MACROD1: variants seen among roughly 807,000 people sequenced by gnomAD.
The protein encoded by MACROD1 is ADP-ribose glycohydrolase MACROD1.
In MACROD1, 31 loss-of-function variants were observed where a neutral mutation model predicts 41.4. That is an observed-to-expected ratio of 0.75 (90% confidence interval 0.56 to 1.01). The LOEUF (loss-of-function observed/expected upper bound fraction) is 1.01, where lower values mean the gene tolerates loss of function less well. MACROD1 is among the 50% of genes least tolerant of loss of function. The pLI, the probability that MACROD1 is intolerant of heterozygous loss-of-function variation, is 0.00. For missense variants in MACROD1, 473 were observed against 460.0 expected (o/e 1.03, Z -0.26); for synonymous variants, 252 against 203.4 (o/e 1.24, Z -2.03).
At chr11:64,069,807 G>A (rs536124449) in intron 3 of MACROD1, among the ~76,000 whole-genome samples, 28 of 152,336 alleles carry the variant, frequency 1.8e-4, no homozygotes, top group Admixed American at 1.6e-3. Context: ...CGCAGCAGAC[G>A]CAACAGGCTT....
chr11:64,136,691 G>C (rs933191680), intron 3 of MACROD1, among the ~76,000 whole-genome samples: 3 of 152,236 alleles, frequency 2.0e-5, no homozygotes, highest in African/African-American at 7.2e-5. Context: ...GAGGGACCCG[G>C]GTGGCTTCCA....
chr11:64,114,907 C>T (rs1483343648), intron 3 of MACROD1, among the ~76,000 whole-genome samples: 2 of 151,950 alleles, frequency 1.3e-5, no homozygotes, highest in Non-Finnish European at 2.9e-5. Flanking sequence ...GTAGCTTGCT[C>T]GATGGAAAGA....
rs564321799 is a variant in MACROD1 at position 63,998,844 on chromosome 11, C to G, written c.*24G>C. The stretch of plus-strand genomic sequence containing the variant: ...GGGGCGAGGCCCTGCTTACCAGTCC[C>G]GGTCAGGGTGGGCTGCGGGAGCCTC... On this transcript the variant is annotated 3_prime_UTR_variant, in exon 10 of 11. Transcript: ENST00000255681. The G allele has an allele frequency of 5.6e-5, 89 of 1,582,010 alleles. No individual in the cohort carries two copies. The East Asian group carries it at 1.4e-3, about 24-fold the overall frequency.
rs536062873 is a variant in MACROD1, at chr11:64,033,871, G to C, written c.518-18590C>G. 3.2e-4 allele frequency among the ~76,000 whole-genome samples: 49 copies of C among 152,024 alleles called. 1 individual carries two copies. Among genetic ancestry groups the C allele is most frequent in the Admixed American group, 3.1e-3 (47 of 15,278 alleles). On this transcript the variant is annotated intron_variant, in intron 3 of 10. Coordinates refer to ENST00000255681, the MANE Select transcript of MACROD1 (RefSeq NM_014067.4). ...AAAAAATTATTATTTTTATTTTTTT[G>C]TATTTTTTTTATCTCAAACTCCTGG... is the stretch of plus-strand genomic sequence containing the variant.
chr11:64,165,735 A>C lies in MACROD1; in HGVS notation c.260T>G (p.Val87Gly). 1.3e-6 allele frequency: 2 copies of C among 1,494,176 alleles called. No individual in the cohort carries two copies. Among genetic ancestry groups the C allele is most frequent in the Non-Finnish European group, 8.9e-7 (1 of 1,124,790 alleles). The allele number at this position is 1,494,176 out of a possible 1,614,324, so 92.6% of individuals were successfully genotyped here. A position where few individuals can be genotyped will look rare whatever the true frequency, so the allele number is the denominator to read the frequency against. Residue 87 changes from valine (V) to glycine (G), a missense_variant, in exon 1 of 11, where the codon GTG becomes GGG. Physicochemically the swap from Val to Gly is moderately radical, Grantham distance 109. Coordinates refer to ENST00000255681, the MANE Select transcript of MACROD1 (RefSeq NM_014067.4). ...CCAGTCGGTGGAGGTGCTCAGGTCC[A>C]CCTTCGCCGCCATGGCCAGGGGGGC... is the stretch of plus-strand genomic sequence containing the variant. ...TWAPLAMAAKVDLSTSTDWKE... is the reference protein window; with the variant it reads ...TWAPLAMAAKGDLSTSTDWKE...
rs375200081 is a variant in MACROD1 at position 63,999,662 on chromosome 11, C to T, written c.766G>A (p.Glu256Lys). 1.2e-6 allele frequency: 2 copies of T among 1,609,316 alleles called. No homozygotes were observed. Among genetic ancestry groups the T allele is most frequent in the East Asian group, 2.2e-5 (1 of 44,782 alleles). Residue 256 changes from glutamate to lysine, a missense_variant, in exon 6 of 11, where the codon GAG becomes AAG. Physicochemically the swap from Glu to Lys is moderately conservative, Grantham distance 56. Transcript: ENST00000255681. ...CYLSSLDLLL[E>K]HRLRSVAFPC... ...CTCACCACCGAGCGGAGCCGGTGCTCCAGCAGCAGGTCCAGACTGCTCAGG... is the reference window on the plus strand; with the variant it reads ...CTCACCACCGAGCGGAGCCGGTGCTTCAGCAGCAGGTCCAGACTGCTCAGG...
chr11:64,019,644 G>C (rs546983594), intron 3 of MACROD1, among the ~76,000 whole-genome samples: 1 of 152,242 alleles, frequency 6.6e-6, no homozygotes, highest in South Asian at 2.1e-4. Flanking sequence ...TGCCAGTTGG[G>C]TGCCAGGGTT....
intron 3 of MACROD1, among the ~76,000 whole-genome samples, chr11:64,069,404 C>T (rs1022306484): frequency 2.6e-5 from 4 of 152,252 alleles, no homozygotes; most frequent in Admixed American, 6.5e-5. Context: ...GACCTTCTCC[C>T]TGCCATCTGG....
At chr11:64,112,987 G>C (rs1341059423) in intron 3 of MACROD1, among the ~76,000 whole-genome samples, 1 of 152,212 alleles carries the variant, frequency 6.6e-6, no homozygotes, top group Middle Eastern at 3.2e-3. Flanking sequence ...CACAGTCCCT[G>C]CCCTGGCAGT....
At chr11:64,032,861 A>G (rs1353737452) in intron 3 of MACROD1, among the ~76,000 whole-genome samples, 3 of 152,138 alleles carry the variant, frequency 2.0e-5, no homozygotes, top group Admixed American at 6.5e-5. Context: ...CAAGATAAAG[A>G]AGAGGCACTC....
At chr11:64,149,339 G>A in intron 3 of MACROD1, among the ~76,000 whole-genome samples, 1 of 152,148 alleles carries the variant, frequency 6.6e-6, no homozygotes, top group Non-Finnish European at 1.5e-5. Flanking sequence ...AGGAAACAGA[G>A]GCCTAGGCAA....
chr11:64,135,347 C>T (rs1945318063), intron 3 of MACROD1, among the ~76,000 whole-genome samples: 1 of 152,230 alleles, frequency 6.6e-6, no homozygotes, highest in Admixed American at 6.5e-5. Flanking sequence ...CCCTTTCCAA[C>T]TACAACGGTC....
At chr11:64,077,883 C>G (rs11231690) in intron 3 of MACROD1, among the ~76,000 whole-genome samples, 7,213 of 152,300 alleles carry the variant, frequency 0.047, 421 homozygotes, top group East Asian at 0.29. Context: ...TTGGTGGCAA[C>G]AGCAGATATG....
intron 3 of MACROD1, among the ~76,000 whole-genome samples, chr11:64,147,240 A>T (rs1205740648): frequency 6.6e-6 from 1 of 150,776 alleles, no homozygotes; most frequent in Non-Finnish European, 1.5e-5. Flanking sequence ...AATCTTTTTT[A>T]ATTTTTTTTT....
rs148302155 is a variant in MACROD1 at position 64,064,120 on chromosome 11, C to G, written c.518-48839G>C. On this transcript the variant is annotated intron_variant, in intron 3 of 10. Coordinates refer to ENST00000255681, the MANE Select transcript of MACROD1 (RefSeq NM_014067.4). The surrounding 1 kb of genome is among the most constrained non-coding windows in gnomAD (Gnocchi z 4.5). Reference sequence around the variant, plus strand: ...GCGCCCCCTATCTCTCCAAGCCCCTCGGTCTCTCCCACTCTCCCTTTCAGC... The same window carrying G: ...GCGCCCCCTATCTCTCCAAGCCCCTGGGTCTCTCCCACTCTCCCTTTCAGC... Among the ~76,000 whole-genome samples, 35 of 152,324 alleles carry G rather than the reference C, an allele frequency of 2.3e-4. No homozygotes were observed. The highest frequency in any genetic ancestry group is 4.4e-4 in the Non-Finnish European group (30 of 68,030).
intron 1 of MACROD1, among the ~76,000 whole-genome samples, chr11:64,160,063 A>G (rs1156385024): frequency 6.6e-6 from 1 of 152,088 alleles, no homozygotes; most frequent in African/African-American, 2.4e-5. Context: ...GCATCCTTCC[A>G]TGGGTCCAGA....
At chr11:64,089,089 T>C (rs1478409645) in intron 3 of MACROD1, among the ~76,000 whole-genome samples, 1 of 152,184 alleles carries the variant, frequency 6.6e-6, no homozygotes. Flanking sequence ...GGCCTGCTGC[T>C]GTGGCTCCTC....
chr11:64,142,013 G>C, intron 3 of MACROD1, among the ~76,000 whole-genome samples: 1 of 152,198 alleles, frequency 6.6e-6, no homozygotes, highest in East Asian at 1.9e-4. Context: ...GTTACACTGG[G>C]CCTTGTACCT....
intron 3 of MACROD1, among the ~76,000 whole-genome samples, chr11:64,097,964 G>A (rs903749462): frequency 3.9e-5 from 6 of 152,140 alleles, no homozygotes; most frequent in African/African-American, 1.4e-4. Flanking sequence ...CAGCACCCAG[G>A]CCTGTCTTCA....
Sources: allele counts gnomAD v4.1 joint callset (sites outside exome capture counted in the v4.1 genomes callset), GRCh38; gene constraint gnomAD v4.1.1; non-coding constraint Gnocchi (gnomAD v3.1); transcripts MANE v1.5; gene names NCBI Gene and HGNC (gene_info 2026-07-23, HGNC 2026-07-21).